The following C4orf54 variants were observed in gnomAD, a reference collection of about 807,000 sequenced individuals.
The protein encoded by C4orf54 is uncharacterized protein C4orf54.
In C4orf54, 67 loss-of-function variants were observed where a neutral mutation model predicts 80.1. That is an observed-to-expected ratio of 0.84 (90% CI 0.69 to 1.03). The LOEUF is 1.03. Among genes scored for constraint, C4orf54 ranks in the 50% least tolerant of loss-of-function variants. The pLI, the probability that C4orf54 is intolerant of heterozygous loss-of-function variation, is 0.00. For synonymous variants in C4orf54, 1,000 were observed against 917.0 expected, an observed-to-expected ratio of 1.09 and a Z score of -1.64; for missense variants, 2,434 against 2,253.5, an observed-to-expected ratio of 1.08 and a Z score of -1.62.
chr4:99,653,248 G>C lies in C4orf54; in HGVS notation c.1401C>G (p.Thr467=), dbSNP rs1338676684. The change falls in exon 2 of 3, where the codon ACC becomes ACG. Residue 467 remains threonine (T), a synonymous_variant. Transcript: ENST00000511828. ...AGRSGRDTSS[T]EVGSGPSDSG... ...TGTCAGAGGGGCCACTGCCCACTTC[G>C]GTGCTGCTGGTGTCGCGGCCACTGC... 1.3e-6 allele frequency: 2 copies of C among 1,532,020 alleles called. No individual in the cohort carries two copies. The highest frequency in any genetic ancestry group is 1.7e-6 in the Non-Finnish European group (2 of 1,144,084). 94.9% of individuals were successfully genotyped at this position (1,532,020 alleles called of 1,614,324 possible).
In C4orf54 at chr4:99,650,550, G is replaced by A; in HGVS notation, c.4099C>T (p.Pro1367Ser). Residue 1367 changes from proline (P) to serine (S), a missense_variant, in exon 2 of 3, where the codon CCC (proline) becomes TCC (serine). Pro to Ser is a moderately conservative substitution (Grantham distance 74, BLOSUM62 -1). Coordinates refer to ENST00000511828, the MANE Select transcript of C4orf54 (RefSeq NM_001354435.2). ...ACTGGGGGAATATAGAGAGATCGGGGTCTTTCCCTGGCCAGGTTCTCAAAG... is the reference window on the plus strand; with the variant it reads ...ACTGGGGGAATATAGAGAGATCGGGATCTTTCCCTGGCCAGGTTCTCAAAG... The part of the protein sequence containing the change: ...AAFENLARER[P>S]RSLYIPPVHK... The A allele has an allele frequency of 1.3e-6, 2 of 1,536,080 alleles. No individual in the cohort carries two copies. Among genetic ancestry groups the A allele is most frequent in the Non-Finnish European group, 1.7e-6 (2 of 1,146,910 alleles).
At position 99,653,466 on chromosome 4, in the gene C4orf54, C is replaced by T. The variant is rs1282989445; in HGVS notation, c.1183G>A (p.Glu395Lys). 17 of 1,535,976 alleles carry T rather than the reference C, an allele frequency of 1.1e-5. No homozygotes were observed. The highest frequency in any genetic ancestry group is 9.8e-5 in the East Asian group (4 of 40,924). Reference sequence around the variant, plus strand: ...AACGAGTAGATCACGTTGTTGTCCTCGAAATCCCAGCGGGAGGCCAGTCCC... The same window carrying T: ...AACGAGTAGATCACGTTGTTGTCCTTGAAATCCCAGCGGGAGGCCAGTCCC... ...DVGLASRWDF[E>K]DNNVIYSFVD... The change falls in exon 2 of 3, where the codon GAG (glutamate) becomes AAG (lysine). Residue 395 changes from glutamate to lysine, a missense_variant. Coordinates refer to ENST00000511828, the MANE Select transcript of C4orf54 (RefSeq NM_001354435.2).
Position 99,647,845 on chromosome 4 carries a change from A to C in C4orf54, c.*36+1386T>G, listed in dbSNP as rs190284134. ...TAGAGGTGACACATGAATGCTAAAA[A>C]GTTTGTCATGCCCAACATCACACAG... On this transcript the variant is annotated intron_variant, in intron 2 of 2. Transcript: ENST00000511828. 1.7e-3 allele frequency among the ~76,000 whole-genome samples: 252 copies of C among 152,330 alleles called. 1 individual carries two copies. Among genetic ancestry groups the C allele is most frequent in the Middle Eastern group, 3.4e-3 (1 of 294 alleles).
chr4:99,647,858 C>G (rs1047437663), intron 2 of C4orf54, among the ~76,000 whole-genome samples: 10 of 152,104 alleles, frequency 6.6e-5, no homozygotes, highest in South Asian at 2.1e-4. Context: ...TTGTCATGCC[C>G]AACATCACAC....
In C4orf54 at chr4:99,651,593, G is replaced by A. The variant is rs1287898787; in HGVS notation, c.3056C>T (p.Thr1019Ile). 9.8e-6 allele frequency: 15 copies of A among 1,536,044 alleles called. No individual in the cohort carries two copies. The highest frequency in any genetic ancestry group is 1.2e-5 in the Non-Finnish European group (14 of 1,146,926). The change falls in exon 2 of 3, where the codon ACA becomes ATA. Residue 1019 changes from threonine to isoleucine, a missense_variant. Thr to Ile is a moderately conservative substitution (Grantham distance 89). Coordinates refer to ENST00000511828, the MANE Select transcript of C4orf54 (RefSeq NM_001354435.2). ...GGGAGCCTTGGGTCTGATCACCGCT[G>A]TGGAGGTGGCCTGAGCAGCAGGGTA... ...TKYPAAQATS[T>I]AVIRPKAPEI...
In C4orf54 at chr4:99,650,060, G is replaced by T; in HGVS notation, c.4589C>A (p.Pro1530Gln). ...KGSQVSGTSRPAWRTKPDNPR... is the reference protein window; with the variant it reads ...KGSQVSGTSRQAWRTKPDNPR... Reference sequence around the variant, plus strand: ...GTTGTCAGGTTTGGTACGCCAAGCTGGTCGGCTGGTTCCACTAACCTGAGA... The same window carrying T: ...GTTGTCAGGTTTGGTACGCCAAGCTTGTCGGCTGGTTCCACTAACCTGAGA... Residue 1530 changes from proline to glutamine, a missense_variant, in exon 2 of 3, where the codon CCA (proline) becomes CAA (glutamine). Coordinates refer to ENST00000511828, the MANE Select transcript of C4orf54 (RefSeq NM_001354435.2). 1 of 1,535,980 alleles carries T rather than the reference G, an allele frequency of 6.5e-7. No homozygotes were observed. The highest frequency in any genetic ancestry group is 2.4e-5 in the East Asian group (1 of 40,890).
chr4:99,653,805 C>G lies in C4orf54; in HGVS notation c.844G>C (p.Gly282Arg), dbSNP rs1040947318. Residue 282 changes from glycine (G) to arginine (R), a missense_variant, in exon 2 of 3, where the codon GGC becomes CGC. Gly to Arg is a moderately radical substitution (Grantham distance 125). Coordinates refer to ENST00000511828, the MANE Select transcript of C4orf54 (RefSeq NM_001354435.2). ...SSPMNKAEED[G>R]LSKMEDSTTS... ...GTGGAGTCCTCCATTTTGGAAAGGCCATCCTCTTCTGCTTTGTTCATCGGG... is the reference window on the plus strand; with the variant it reads ...GTGGAGTCCTCCATTTTGGAAAGGCGATCCTCTTCTGCTTTGTTCATCGGG... 2.0e-6 allele frequency: 3 copies of G among 1,536,036 alleles called. No individual in the cohort carries two copies. The highest frequency in any genetic ancestry group is 2.7e-5 in the African/African-American group (2 of 73,044).
At position 99,651,706 on chromosome 4, in the gene C4orf54, G is replaced by A; in HGVS notation, c.2943C>T (p.Ala981=). 1 of 1,536,052 alleles carries A rather than the reference G, an allele frequency of 6.5e-7. No individual in the cohort carries two copies. Residue 981 remains alanine (A), a synonymous_variant, in exon 2 of 3, where the codon GCC becomes GCT. Transcript: ENST00000511828. ...DWRADLGEIS[A]SKNTIMSRLF... is the part of the protein sequence containing the mutation. The stretch of plus-strand genomic sequence containing the variant: ...GGCGAGACATGATGGTGTTCTTGCT[G>A]GCAGAAATCTCCCCGAGATCAGCCC...
In C4orf54 at chr4:99,652,383, C is replaced by G. The variant is rs758414024; in HGVS notation, c.2266G>C (p.Val756Leu). ...GAGCTGGCTTTGCTCTCACTGCGTA[C>G]ATTCAGGGGCTCCAAAAGGGTGACG... Reference protein sequence around the residue: ...RVVTLLEPLNVRSESKASSAP... With the variant: ...RVVTLLEPLNLRSESKASSAP... Residue 756 changes from valine to leucine, a missense_variant, in exon 2 of 3, where the codon GTA (valine) becomes CTA (leucine). Val to Leu is a conservative substitution (Grantham distance 32). Coordinates refer to ENST00000511828, the MANE Select transcript of C4orf54 (RefSeq NM_001354435.2). 3.6e-5 allele frequency: 55 copies of G among 1,535,994 alleles called. No homozygotes were observed. The South Asian group carries it at 4.3e-4, about 12-fold the overall frequency.
intron 2 of C4orf54, among the ~76,000 whole-genome samples, chr4:99,646,186 A>C (rs1306851842): frequency 2.0e-5 from 3 of 152,316 alleles, no homozygotes; most frequent in African/African-American, 7.2e-5. Flanking sequence ...TTGAACTGGA[A>C]TGAATCTTAA....
chr4:99,653,378 T>C lies in C4orf54; in HGVS notation c.1271A>G (p.Glu424Gly). ...ETPGDITSLTEEDDDNSCYLS... is the reference protein window; with the variant it reads ...ETPGDITSLTGEDDDNSCYLS... ...GTAGCAGCTGTTGTCGTCGTCCTCT[T>C]CGGTCAGACTGGTGATGTCCCCTGG... The change falls in exon 2 of 3, where the codon GAA (glutamate) becomes GGA (glycine). Residue 424 changes from glutamate (E) to glycine (G), a missense_variant. Transcript: ENST00000511828. The C allele has an allele frequency of 2.0e-6, 3 of 1,536,278 alleles. No homozygotes were observed.
Position 99,640,604 on chromosome 4 carries a change from C to T in C4orf54, c.*629G>A, listed in dbSNP as rs899035389. On this transcript the variant is annotated 3_prime_UTR_variant, in exon 3 of 3. Transcript: ENST00000511828. The stretch of plus-strand genomic sequence containing the variant: ...AAAATAAAATAAAGCACAAACATTA[C>T]AACCACCATTTTTCACAATCACATT... 6.6e-6 allele frequency: 1 copy of T among 152,118 alleles called. No individual in the cohort carries two copies. The highest frequency in any genetic ancestry group is 1.5e-5 in the Non-Finnish European group (1 of 67,992). The allele number at this position is 152,118 out of a possible 1,614,324, so 9.4% of individuals were successfully genotyped here. A position where few individuals can be genotyped will look rare whatever the true frequency, so the allele number is the denominator to read the frequency against.
At position 99,650,461 on chromosome 4, in the gene C4orf54, G is replaced by A. The variant is rs1175767646; in HGVS notation, c.4188C>T (p.Asn1396=). The A allele has an allele frequency of 5.2e-6, 8 of 1,535,944 alleles. No individual in the cohort carries two copies. Among genetic ancestry groups the A allele is most frequent in the African/African-American group, 4.1e-5 (3 of 73,000 alleles). ...TGCTGCTGGCACTCACTGTGAACACGTTCCGGTTGCTGGGGAGTGGTGGGA... is the reference window on the plus strand; with the variant it reads ...TGCTGCTGGCACTCACTGTGAACACATTCCGGTTGCTGGGGAGTGGTGGGA... The part of the protein sequence containing the change: ...QPLPPLPSNR[N]VFTVSASSIQ... The change falls in exon 2 of 3, where the codon AAC becomes AAT. Residue 1396 remains asparagine (N), a synonymous_variant. Transcript: ENST00000511828.
Position 99,653,342 on chromosome 4 carries a change from G to A in C4orf54, c.1307C>T (p.Thr436Ile). The A allele has an allele frequency of 1.3e-6, 2 of 1,535,448 alleles. No homozygotes were observed. Among genetic ancestry groups the A allele is most frequent in the Admixed American group, 2.0e-5 (1 of 50,986 alleles). Reference protein sequence around the residue: ...DDDNSCYLSTTPSTNTTRTPS... With the variant: ...DDDNSCYLSTIPSTNTTRTPS... ...CGTCCGGGTGGTGTTGGTGCTGGGAGTGGTGCTGAGGTAGCAGCTGTTGTC... is the reference window on the plus strand; with the variant it reads ...CGTCCGGGTGGTGTTGGTGCTGGGAATGGTGCTGAGGTAGCAGCTGTTGTC... Residue 436 changes from threonine to isoleucine, a missense_variant, in exon 2 of 3, where the codon ACT becomes ATT. Transcript: ENST00000511828.
At position 99,654,296 on chromosome 4, in the gene C4orf54, C is replaced by T. The variant is rs1449326748; in HGVS notation, c.353G>A (p.Arg118Gln). ...GAAGTCTTGGGTCCGTCTCTGGCCC[C>T]GGAGGGGCTGCAGAGTTGCCCGAAG... is the stretch of plus-strand genomic sequence containing the variant. ...TLLRATLQPLRGQRRTQDFPS... is the reference protein window; with the variant it reads ...TLLRATLQPLQGQRRTQDFPS... Residue 118 changes from arginine (R) to glutamine (Q), a missense_variant, in exon 2 of 3, where the codon CGG (arginine) becomes CAG (glutamine). Coordinates refer to ENST00000511828, the MANE Select transcript of C4orf54 (RefSeq NM_001354435.2). 1.8e-5 allele frequency: 27 copies of T among 1,532,448 alleles called. No individual in the cohort carries two copies. The highest frequency in any genetic ancestry group is 2.4e-5 in the East Asian group (1 of 40,904). 94.9% of individuals were successfully genotyped at this position (1,532,448 alleles called of 1,614,324 possible).
chr4:99,654,337 C>T lies in C4orf54; in HGVS notation c.312G>A (p.Gln104=), dbSNP rs1175405781. Residue 104 remains glutamine (Q), a synonymous_variant, in exon 2 of 3, where the codon CAG becomes CAA. Coordinates refer to ENST00000511828, the MANE Select transcript of C4orf54 (RefSeq NM_001354435.2). The part of the protein sequence containing the change: ...AAVPTALGPV[Q]IRGTLLRATL... ...TTGCCCGAAGCAGGGTCCCACGTAT[C>T]TGGACTGGCCCCAAGGCTGTAGGCA... 1.5e-6 allele frequency: 2 copies of T among 1,371,600 alleles called. No individual in the cohort carries two copies. The highest frequency in any genetic ancestry group is 2.5e-5 in the South Asian group (2 of 80,752). The allele number at this position is 1,371,600 out of a possible 1,614,324, so 85.0% of individuals were successfully genotyped here.
rs1306905779 is a variant in C4orf54, at chr4:99,650,547, G to C, written c.4102C>G (p.Arg1368Gly). Residue 1368 changes from arginine to glycine, a missense_variant, in exon 2 of 3, where the codon CGA becomes GGA. Physicochemically the swap from Arg to Gly is moderately radical, Grantham distance 125 (BLOSUM62 -2). Transcript: ENST00000511828. The part of the protein sequence containing the change: ...AFENLARERP[R>G]SLYIPPVHKD... The stretch of plus-strand genomic sequence containing the variant: ...TGGACTGGGGGAATATAGAGAGATC[G>C]GGGTCTTTCCCTGGCCAGGTTCTCA... The C allele has an allele frequency of 6.5e-7, 1 of 1,536,044 alleles. No individual in the cohort carries two copies. The highest frequency in any genetic ancestry group is 8.7e-7 in the Non-Finnish European group (1 of 1,146,890).
chr4:99,652,874 G>A lies in C4orf54; in HGVS notation c.1775C>T (p.Thr592Ile). The A allele has an allele frequency of 5.9e-6, 9 of 1,536,156 alleles. No homozygotes were observed. The highest frequency in any genetic ancestry group is 7.8e-6 in the Non-Finnish European group (9 of 1,146,914). Reference sequence around the variant, plus strand: ...CTTCGCCCGGATGGCCCCGCACCTGGTTTGCAGGCGAGCAGGTACAGCAAT... The same window carrying A: ...CTTCGCCCGGATGGCCCCGCACCTGATTTGCAGGCGAGCAGGTACAGCAAT... ...KFIAVPARLQ[T>I]RCGAIRAKEL... is the part of the protein sequence containing the mutation. The change falls in exon 2 of 3, where the codon ACC (threonine) becomes ATC (isoleucine). Residue 592 changes from threonine (T) to isoleucine (I), a missense_variant. Transcript: ENST00000511828.
intron 2 of C4orf54, among the ~76,000 whole-genome samples, chr4:99,648,192 G>A (rs1040421050): frequency 2.1e-4 from 32 of 151,900 alleles, no homozygotes; most frequent in Non-Finnish European, 4.0e-4. Flanking sequence ...ACACCTTTAC[G>A]CTCCTATCTG....
Sources: allele counts gnomAD v4.1 joint callset (sites outside exome capture counted in the v4.1 genomes callset), GRCh38; gene constraint gnomAD v4.1.1; transcripts MANE v1.5; gene names NCBI Gene and HGNC (gene_info 2026-07-23, HGNC 2026-07-21).